The following ZNF773 variants were observed in gnomAD, a reference collection of about 807,000 sequenced individuals.
ZNF773 encodes the protein zinc finger protein 419B.
ZNF773 carries 11 observed loss-of-function variants against 12.8 expected under a neutral mutation model. That is an observed-to-expected ratio of 0.86 (90% CI 0.54 to 1.42). The LOEUF (loss-of-function observed/expected upper bound fraction) is 1.42. Among genes scored for constraint, ZNF773 ranks in the 40% most tolerant of loss-of-function variants. The pLI is 0.00. For synonymous variants in ZNF773, 175 were observed against 178.4 expected, an observed-to-expected ratio of 0.98 and a Z score of 0.15; for missense variants, 518 against 527.2, an observed-to-expected ratio of 0.98 and a Z score of 0.17.
chr19:57,506,226 C>T, intron 3 of ZNF773, 132 bp from the exon 4 acceptor site: 4 of 1,431,134 alleles, frequency 2.8e-6, no homozygotes, highest in Non-Finnish European at 3.7e-6. Flanking sequence ...GGCCCTTCCC[C>T]ACCAAGCGCT....
intron 1 of ZNF773, among the ~76,000 whole-genome samples, chr19:57,501,061 T>C (rs1251482300): frequency 6.6e-6 from 1 of 152,106 alleles, no homozygotes; most frequent in Non-Finnish European, 1.5e-5. Flanking sequence ...CACTCCAGGC[T>C]TAGTAGTTCC....
In ZNF773 at chr19:57,504,786, G is replaced by A. The variant is rs1300234302; in HGVS notation, c.163G>A (p.Gly55Arg). The change falls in exon 2 of 4, where the codon GGA becomes AGA. Residue 55 changes from glycine (G) to arginine (R), a missense_variant and splice_region_variant. Coordinates refer to ENST00000282292, the MANE Select transcript of ZNF773 (RefSeq NM_198542.3). ...LENFTLLASL[G>R]LASSKTHEIT... ...GAACTTTACACTTCTGGCCTCTCTG[G>A]GTAAGGTTCTCACACCCCACCCCAG... 1.2e-6 allele frequency: 2 copies of A among 1,612,574 alleles called. No individual in the cohort carries two copies. Among genetic ancestry groups the A allele is most frequent in the African/African-American group, 1.3e-5 (1 of 74,838 alleles).
At chr19:57,503,448 G>A (rs556010608) in intron 1 of ZNF773, among the ~76,000 whole-genome samples, 1 of 152,268 alleles carries the variant, frequency 6.6e-6, no homozygotes, top group Non-Finnish European at 1.5e-5. Flanking sequence ...CAAAGTTCCT[G>A]TGGGGATAGA....
downstream of ZNF773, chr19:57,508,631 C>A (rs2089772764): frequency 1.5e-6 from 1 of 676,702 alleles, no homozygotes; most frequent in Admixed American, 2.2e-5. Flanking sequence ...GTTAGCATTT[C>A]ATATTTCCTC....
chr19:57,504,026 A>G (rs1002279801), intron 1 of ZNF773, among the ~76,000 whole-genome samples: 4 of 152,206 alleles, frequency 2.6e-5, no homozygotes, highest in African/African-American at 9.6e-5. Context: ...CAACACAGAA[A>G]TGGAAGAGTG....
At chr19:57,506,192 A>G (rs1241781663) in intron 3 of ZNF773, among the ~76,000 whole-genome samples, 166 bp from the exon 4 acceptor site, 2 of 152,144 alleles carry the variant, frequency 1.3e-5, no homozygotes, top group Non-Finnish European at 2.9e-5. Flanking sequence ...TCTGTGAGCT[A>G]GCCAGGTTCA....
At position 57,507,396 on chromosome 19, in the gene ZNF773, G is replaced by T; in HGVS notation, c.1301G>T (p.Arg434Leu). ...FRHSSSLVKH[R>L]RIHTGEIQ The stretch of plus-strand genomic sequence containing the variant: ...CACAGCTCCAGTCTTGTTAAACATC[G>T]AAGGATTCACACTGGAGAAATACAA... Residue 434 changes from arginine (R) to leucine (L), a missense_variant, in exon 4 of 4, where the codon CGA becomes CTA. Transcript: ENST00000282292. 1.2e-6 allele frequency: 2 copies of T among 1,607,586 alleles called. No individual in the cohort carries two copies. Among genetic ancestry groups the T allele is most frequent in the East Asian group, 2.2e-5 (1 of 44,830 alleles).
At chr19:57,501,325 C>T (rs1402954457) in intron 1 of ZNF773, among the ~76,000 whole-genome samples, 1 of 147,570 alleles carries the variant, frequency 6.8e-6, no homozygotes, top group East Asian at 2.0e-4. Flanking sequence ...TTGTGATCTG[C>T]CCACCTCGGC....
intron 1 of ZNF773, among the ~76,000 whole-genome samples, chr19:57,504,056 C>T (rs1255425725): frequency 2.6e-5 from 4 of 152,172 alleles, no homozygotes; most frequent in Non-Finnish European, 5.9e-5. Context: ...TCCAGATATG[C>T]GTGCAGTTCC....
At chr19:57,501,131 T>C (rs1442945635) in intron 1 of ZNF773, among the ~76,000 whole-genome samples, 5 of 152,178 alleles carry the variant, frequency 3.3e-5, no homozygotes, top group Admixed American at 1.3e-4. Flanking sequence ...GCAGCACCTT[T>C]GGTGCCTAAG....
chr19:57,511,055 A>ATTTTATTTAT (rs2089790469), downstream of ZNF773, among the ~76,000 whole-genome samples: 2 of 116,832 alleles, frequency 1.7e-5, no homozygotes, highest in African/African-American at 6.6e-5. Flanking sequence ...TATTTTATTT[A>ATTTTATTTAT]TTTTTTTTTT....
chr19:57,505,712 G>GTTTTTT (rs11312618), intron 3 of ZNF773, among the ~76,000 whole-genome samples: 2 of 110,862 alleles, frequency 1.8e-5, no homozygotes, highest in Non-Finnish European at 3.7e-5. Flanking sequence ...CATTCCAGTT[G>GTTTTTT]TTTTTTTTTT....
At chr19:57,508,441 T>TTA, downstream of ZNF773, 1 of 662,634 alleles carries the variant, frequency 1.5e-6, no homozygotes, top group South Asian at 1.6e-5. Flanking sequence ...TGTTAGATCT[T>TTA]CTTTAATAAA....
chr19:57,517,495 C>A, downstream of ZNF773: 1 of 152,314 alleles, frequency 6.6e-6, no homozygotes. Context: ...CACTGCACAG[C>A]TCCATTCAAA....
chr19:57,511,272 C>G (rs1468439099), downstream of ZNF773, among the ~76,000 whole-genome samples: 5 of 151,954 alleles, frequency 3.3e-5, no homozygotes, highest in African/African-American at 1.2e-4. Context: ...AAGATGGTCT[C>G]GATCTCCTGA....
rs757139582 is a variant in ZNF773 at position 57,508,066 on chromosome 19, G to A, written c.*642G>A. On this transcript the variant is annotated 3_prime_UTR_variant, in exon 4 of 4. Coordinates refer to ENST00000282292, the MANE Select transcript of ZNF773 (RefSeq NM_198542.3). The stretch of plus-strand genomic sequence containing the variant: ...TGAGGCAGGAGATTTGCTTGAACCC[G>A]GGAGGCGGAGGTTGCATTGAGCCGA... 112 of 548,640 alleles carry A rather than the reference G, an allele frequency of 2.0e-4. No homozygotes were observed. Among genetic ancestry groups the A allele is most frequent in the African/African-American group, 1.4e-3 (65 of 47,082 alleles). The allele number at this position is 548,640 out of a possible 1,614,324, so 34.0% of individuals were successfully genotyped here. A position where few individuals can be genotyped will look rare whatever the true frequency, so the allele number is the denominator to read the frequency against.
At chr19:57,512,089 T>A (rs1468357910), downstream of ZNF773, among the ~76,000 whole-genome samples, 4 of 152,180 alleles carry the variant, frequency 2.6e-5, no homozygotes, top group African/African-American at 4.8e-5. Flanking sequence ...TGTTGGTGGT[T>A]TCATGACAGT....
downstream of ZNF773, among the ~76,000 whole-genome samples, chr19:57,508,764 T>C (rs2089773778): frequency 6.8e-6 from 1 of 146,278 alleles, no homozygotes; most frequent in Non-Finnish European, 1.5e-5. Flanking sequence ...AGTTCTTAAT[T>C]TGTATTTTTC....
At chr19:57,511,843 A>G (rs1259539875), downstream of ZNF773, among the ~76,000 whole-genome samples, 1 of 150,944 alleles carries the variant, frequency 6.6e-6, no homozygotes, top group African/African-American at 2.4e-5. Flanking sequence ...AAAATAAACT[A>G]TGAATACAAG....
Sources: gnomAD v4.1 joint callset for allele counts (sites outside exome capture counted in the v4.1 genomes callset) on GRCh38, gnomAD v4.1.1 for gene constraint, MANE v1.5 for transcripts, NCBI Gene and HGNC (gene_info 2026-07-23, HGNC 2026-07-21) for gene names.